The following LDLRAD4 variants were observed in gnomAD, a reference collection of about 807,000 sequenced individuals.
LDLRAD4 encodes low density lipoprotein receptor class A domain containing 4.
In LDLRAD4, 5 loss-of-function variants were observed where a neutral mutation model predicts 17.0. The observed-to-expected ratio is 0.29, with a 90% confidence interval of 0.15 to 0.62. The LOEUF (loss-of-function observed/expected upper bound fraction) is 0.62. LDLRAD4 is among the 20% of genes least tolerant of loss of function. The pLI, the probability that LDLRAD4 is intolerant of heterozygous loss-of-function variation, is 0.84. For missense variants in LDLRAD4, 340 were observed against 424.7 expected, an observed-to-expected ratio of 0.80 and a Z score of 1.75; for synonymous variants, 168 against 171.8, an observed-to-expected ratio of 0.98 and a Z score of 0.17.
intron 3 of LDLRAD4, chr18:13,461,544 G>C (rs952159526): frequency 6.6e-6 from 1 of 152,170 alleles, no homozygotes; most frequent in Non-Finnish European, 1.5e-5. Context: ...TATTGAAAAC[G>C]AAAGTACACT....
chr18:13,626,200 C>T (rs1052313980), intron 4 of LDLRAD4, among the ~76,000 whole-genome samples: 3 of 152,156 alleles, frequency 2.0e-5, no homozygotes, highest in Non-Finnish European at 4.4e-5. Context: ...GTAGCCTGAG[C>T]TTGGTTTCTT....
intron 3 of LDLRAD4, among the ~76,000 whole-genome samples, chr18:13,531,130 G>A (rs955219709): frequency 1.3e-5 from 2 of 152,100 alleles, no homozygotes; most frequent in African/African-American, 4.8e-5. Context: ...TTGGGCTCAG[G>A]ACCAGCCCAG....
intron 1 of LDLRAD4, among the ~76,000 whole-genome samples, chr18:13,278,560 T>C (rs541853287): frequency 6.6e-6 from 1 of 152,340 alleles, no homozygotes; most frequent in Non-Finnish European, 1.5e-5. Context: ...GTGATGCTTA[T>C]TCTGTCTCAT....
At position 13,444,334 on chromosome 18, in the gene LDLRAD4, G is replaced by A. The variant is rs9965645; in HGVS notation, c.181+5950G>A. On this transcript the variant is annotated intron_variant, in intron 3 of 5. Coordinates refer to ENST00000359446, the Ensembl canonical transcript of LDLRAD4. ...TTTAACTCCAGGTTAAACTCCAGGCGTGCAGGGGCTAAGCCCTCTCCCCTT... is the reference window on the plus strand; with the variant it reads ...TTTAACTCCAGGTTAAACTCCAGGCATGCAGGGGCTAAGCCCTCTCCCCTT... Among the ~76,000 whole-genome samples, 1,212 of 152,358 alleles carry A rather than the reference G, an allele frequency of 8.0e-3. 20 individuals are homozygous for A. Among genetic ancestry groups the A allele is most frequent in the African/African-American group, 0.028 (1,170 of 41,584 alleles).
At chr18:13,465,443 C>A (rs139103922) in intron 3 of LDLRAD4, among the ~76,000 whole-genome samples, 1 of 152,298 alleles carries the variant, frequency 6.6e-6, no homozygotes, top group East Asian at 1.9e-4. Context: ...TGGACAAATG[C>A]CCATCCTGAT....
chr18:13,482,024 G>A (rs1218232170), intron 3 of LDLRAD4, among the ~76,000 whole-genome samples: 1 of 151,976 alleles, frequency 6.6e-6, no homozygotes, highest in African/African-American at 2.4e-5. Flanking sequence ...GCAGTGAGGA[G>A]CTCTCCAGAC....
intron 1 of LDLRAD4, among the ~76,000 whole-genome samples, chr18:13,249,964 A>G (rs2043151566): frequency 6.6e-6 from 1 of 152,140 alleles, no homozygotes; most frequent in Admixed American, 6.5e-5. Context: ...TTTTCTGCAT[A>G]TGCATATAGT....
At chr18:13,274,311 G>A (rs942563934), upstream of LDLRAD4, among the ~76,000 whole-genome samples, 2 of 152,202 alleles carry the variant, frequency 1.3e-5, no homozygotes, top group African/African-American at 4.8e-5. Flanking sequence ...ACCTGGAGCC[G>A]TTGATCTCTT....
intron 2 of LDLRAD4, among the ~76,000 whole-genome samples, chr18:13,429,019 A>G (rs1568137189): frequency 6.6e-6 from 1 of 152,206 alleles, no homozygotes; most frequent in African/African-American, 2.4e-5. Flanking sequence ...GGAATGGTGT[A>G]TGCAGAAAAG....
intron 3 of LDLRAD4, among the ~76,000 whole-genome samples, chr18:13,525,500 C>T (rs1397058118): frequency 2.6e-5 from 4 of 152,256 alleles, no homozygotes; most frequent in Non-Finnish European, 5.9e-5. Context: ...TTCCCATAAA[C>T]GTCATTCGTT....
At chr18:13,629,233 T>C (rs1432288910) in intron 4 of LDLRAD4, among the ~76,000 whole-genome samples, 2 of 152,214 alleles carry the variant, frequency 1.3e-5, no homozygotes, top group Non-Finnish European at 2.9e-5. Flanking sequence ...ATAGTTTTGC[T>C]CTTGGGGATA....
chr18:13,548,090 A>C (rs1318369329), intron 3 of LDLRAD4, among the ~76,000 whole-genome samples: 1 of 152,196 alleles, frequency 6.6e-6, no homozygotes, highest in Non-Finnish European at 1.5e-5. Flanking sequence ...TGACAAATGC[A>C]GCTCTCAGCA....
At chr18:13,418,765 C>T (rs1298159284) in intron 2 of LDLRAD4, among the ~76,000 whole-genome samples, 2 of 152,110 alleles carry the variant, frequency 1.3e-5, no homozygotes, top group Non-Finnish European at 2.9e-5. Flanking sequence ...ACATTCATTC[C>T]AAAATATTTG....
At chr18:13,332,447 T>G (rs190680865) in intron 1 of LDLRAD4, among the ~76,000 whole-genome samples, 58 of 152,330 alleles carry the variant, frequency 3.8e-4, no homozygotes, top group African/African-American at 1.3e-3. Flanking sequence ...TGGAGTTCAC[T>G]CTTGGTGTTG....
chr18:13,291,946 A>G (rs2045986678), intron 1 of LDLRAD4, among the ~76,000 whole-genome samples: 1 of 152,092 alleles, frequency 6.6e-6, no homozygotes. Flanking sequence ...TTTTGAGCCA[A>G]TTTGATGAAA....
chr18:13,238,517 C>T (rs1010928827), intron 1 of LDLRAD4, among the ~76,000 whole-genome samples: 1 of 152,210 alleles, frequency 6.6e-6, no homozygotes, highest in Non-Finnish European at 1.5e-5. Context: ...TGTGCTCTTT[C>T]TGTAATAAGC....
chr18:13,246,137 G>A (rs1045789557), intron 1 of LDLRAD4, among the ~76,000 whole-genome samples: 1 of 152,208 alleles, frequency 6.6e-6, no homozygotes, highest in Non-Finnish European at 1.5e-5. Context: ...TAAAGTGTGC[G>A]AACAACGATA....
chr18:13,295,114 G>A (rs773026765), intron 1 of LDLRAD4, among the ~76,000 whole-genome samples: 4 of 152,190 alleles, frequency 2.6e-5, no homozygotes, highest in Non-Finnish European at 5.9e-5. Flanking sequence ...CATTCCTAAG[G>A]GGGAAGTTGC....
rs115853964 is a variant in LDLRAD4 at position 13,238,593 on chromosome 18, G to A, written c.-467+19605G>A. 6.7e-3 allele frequency among the ~76,000 whole-genome samples: 1,023 copies of A among 152,326 alleles called. 15 individuals are homozygous for A. The highest frequency in any genetic ancestry group is 0.023 in the African/African-American group (962 of 41,578). On this transcript the variant is annotated intron_variant, in intron 1 of 5. Transcript: ENST00000399848. ...GGGACTCAGCACCCACAGAACTGAGGGGTGGTGTGGTGCAGGCCAGAGGGC... is the reference window on the plus strand; with the variant it reads ...GGGACTCAGCACCCACAGAACTGAGAGGTGGTGTGGTGCAGGCCAGAGGGC...
Sources: gnomAD v4.1 joint callset for allele counts (sites outside exome capture counted in the v4.1 genomes callset) on GRCh38, gnomAD v4.1.1 for gene constraint, MANE v1.5 for transcripts, NCBI Gene and HGNC (gene_info 2026-07-23, HGNC 2026-07-21) for gene names.